The following ETV1 variants were observed in gnomAD, a reference collection of about 807,000 sequenced individuals.
ETV1 encodes the protein ETS variant transcription factor 1.
ETV1 carries 27 observed loss-of-function variants against 62.3 expected under a neutral mutation model. The observed-to-expected ratio is 0.43, with a 90% confidence interval of 0.32 to 0.60. The LOEUF is 0.60. Among genes scored for constraint, ETV1 ranks in the 20% least tolerant of loss-of-function variants. The pLI is 0.06. For synonymous variants in ETV1, 222 were observed against 199.6 expected, an observed-to-expected ratio of 1.11 and a Z score of -0.94; for missense variants, 605 against 605.8, an observed-to-expected ratio of 1.00 and a Z score of 0.01.
Position 13,893,265 on chromosome 7 carries a change from G to C in ETV1, c.*2601C>G, listed in dbSNP as rs945691123. On this transcript the variant is annotated 3_prime_UTR_variant, in exon 14 of 14. Coordinates refer to ENST00000430479, the MANE Select transcript of ETV1 (RefSeq NM_004956.5). Reference sequence around the variant, plus strand: ...ATTCAATGAGAAATTCAAAACACAAGAATCTTGCAGAAATCAGCTGCCAGA... The same window carrying C: ...ATTCAATGAGAAATTCAAAACACAACAATCTTGCAGAAATCAGCTGCCAGA... 4 of 232,100 alleles carry C rather than the reference G, an allele frequency of 1.7e-5. No individual in the cohort carries two copies. The highest frequency in any genetic ancestry group is 6.6e-5 in the African/African-American group (3 of 45,276). 14.4% of individuals were successfully genotyped at this position (232,100 alleles called of 1,614,324 possible).
chr7:13,920,780 T>C (rs1406818572), intron 9 of ETV1, among the ~76,000 whole-genome samples: 2 of 152,158 alleles, frequency 1.3e-5, no homozygotes, highest in African/African-American at 4.8e-5. Flanking sequence ...GAAAAACTGA[T>C]ATAGTGGGCC....
chr7:13,900,423 G>C, intron 13 of ETV1: 1 of 245,378 alleles, frequency 4.1e-6, no homozygotes, highest in Non-Finnish European at 7.7e-6. Context: ...TTATATAATT[G>C]TAGACAATGT....
chr7:13,952,694 C>T (rs1336857131), intron 6 of ETV1, among the ~76,000 whole-genome samples: 2 of 151,952 alleles, frequency 1.3e-5, no homozygotes, highest in African/African-American at 4.8e-5. Flanking sequence ...GGGACAGGGA[C>T]CTCCCACATT....
In ETV1 at chr7:13,895,587, C is replaced by G. The variant is rs1273141075; in HGVS notation, c.*279G>C. ...ACTCAAAACTTGTAGGACCCCATCC[C>G]AAGCCTAAGTAAAAAGTAATCCCCA... On this transcript the variant is annotated 3_prime_UTR_variant, in exon 14 of 14. Coordinates refer to ENST00000430479, the MANE Select transcript of ETV1 (RefSeq NM_004956.5). 3 of 407,070 alleles carry G rather than the reference C, an allele frequency of 7.4e-6. No homozygotes were observed. Among genetic ancestry groups the G allele is most frequent in the African/African-American group, 5.9e-5 (3 of 50,776 alleles). 25.2% of individuals were successfully genotyped at this position (407,070 alleles called of 1,614,324 possible). A position where few individuals can be genotyped will look rare whatever the true frequency, so the allele number is the denominator to read the frequency against.
At chr7:13,968,946 C>A (rs1430849332) in intron 6 of ETV1, among the ~76,000 whole-genome samples, 1 of 152,222 alleles carries the variant, frequency 6.6e-6, no homozygotes, top group Admixed American at 6.5e-5. Context: ...GAGTACTTTT[C>A]ATTGGATTTT....
intron 11 of ETV1, among the ~76,000 whole-genome samples, chr7:13,908,970 T>A (rs1484108549): frequency 6.6e-6 from 1 of 151,698 alleles, no homozygotes; most frequent in African/African-American, 2.4e-5. Flanking sequence ...TGCCAACTTT[T>A]GTCACCTTTG....
chr7:13,986,839 T>G, intron 4 of ETV1, 154 bp from the exon 5 acceptor site: 1 of 630,538 alleles, frequency 1.6e-6, no homozygotes, highest in East Asian at 2.8e-5. Context: ...AACTTAAATA[T>G]CTCAATAATA....
At chr7:13,935,630 G>A in intron 8 of ETV1, 78 bp downstream of exon 8, 2 of 1,223,494 alleles carry the variant, frequency 1.6e-6, no homozygotes, top group African/African-American at 3.0e-5. Context: ...ATCTACTCTA[G>A]GCCTTCAGAA....
At chr7:13,903,694 C>T (rs1052470873) in intron 12 of ETV1, among the ~76,000 whole-genome samples, 2 of 143,448 alleles carry the variant, frequency 1.4e-5, no homozygotes, top group Non-Finnish European at 3.0e-5. Context: ...ACCCGGGAGG[C>T]AGAGATTGCA....
intron 6 of ETV1, among the ~76,000 whole-genome samples, chr7:13,953,105 G>C (rs1490147615): frequency 6.6e-6 from 1 of 152,194 alleles, no homozygotes; most frequent in Non-Finnish European, 1.5e-5. Flanking sequence ...TAGATGGAAA[G>C]CAGCACGACA....
intron 6 of ETV1, among the ~76,000 whole-genome samples, chr7:13,975,562 C>CAAAAAAAAAAAAA (rs765452116): frequency 2.4e-5 from 1 of 41,152 alleles, no homozygotes; most frequent in African/African-American, 8.8e-5. Context: ...GACTCTGTCT[C>CAAAAAAAAAAAAA]AAAAAAAAAA....
rs1251227651 is a variant in ETV1 at position 13,968,641 on chromosome 7, A to G, written c.235+8786T>C. Among the ~76,000 whole-genome samples the G allele has an allele frequency of 2.6e-5, 4 of 151,824 alleles. No homozygotes were observed. In the East Asian group the frequency reaches 7.8e-4, roughly 30 times the overall value. The stretch of plus-strand genomic sequence containing the variant: ...GAAAGTGTCCTTCATAGCAAATTCT[A>G]CTTACATTATTCCCCCATGAATTAC... On this transcript the variant is annotated intron_variant, in intron 6 of 13. Coordinates refer to ENST00000430479, the MANE Select transcript of ETV1 (RefSeq NM_004956.5).
intron 9 of ETV1, among the ~76,000 whole-genome samples, chr7:13,917,665 G>T (rs1784333997): frequency 6.8e-6 from 1 of 146,432 alleles, no homozygotes; most frequent in Non-Finnish European, 1.5e-5. Context: ...ATTAACAGAG[G>T]TTTAAAAGAA....
At chr7:13,942,380 A>G (rs1787659005) in intron 6 of ETV1, among the ~76,000 whole-genome samples, 2 of 151,958 alleles carry the variant, frequency 1.3e-5, no homozygotes, top group Admixed American at 1.3e-4. Context: ...ATATTTAGCA[A>G]AGTGTGTATT....
chr7:13,979,244 C>T (rs1014571845), intron 5 of ETV1, among the ~76,000 whole-genome samples: 1 of 151,998 alleles, frequency 6.6e-6, no homozygotes, highest in Non-Finnish European at 1.5e-5. Context: ...AAACGCAATG[C>T]CAGCTACTCA....
chr7:13,984,106 A>G (rs1311953713), intron 5 of ETV1, among the ~76,000 whole-genome samples: 2 of 151,982 alleles, frequency 1.3e-5, no homozygotes, highest in Non-Finnish European at 2.9e-5. Context: ...CATATGACAT[A>G]TGACAACTAA....
At chr7:13,967,279 T>C (rs1780396259) in intron 6 of ETV1, among the ~76,000 whole-genome samples, 1 of 152,076 alleles carries the variant, frequency 6.6e-6, no homozygotes, top group African/African-American at 2.4e-5. Context: ...ATATAGGCAA[T>C]AACTAGGAGT....
chr7:13,907,655 T>C, intron 11 of ETV1: 1 of 278,722 alleles, frequency 3.6e-6, no homozygotes, highest in Middle Eastern at 8.3e-4. Context: ...TCTAGGGCCC[T>C]GCAAGTATGT....
chr7:13,946,801 T>C (rs1384200800), intron 6 of ETV1, among the ~76,000 whole-genome samples: 1 of 152,204 alleles, frequency 6.6e-6, no homozygotes, highest in Non-Finnish European at 1.5e-5. Context: ...TTCATTTATT[T>C]ATTTTGAGAC....
Sources: gnomAD v4.1 joint callset for allele counts (sites outside exome capture counted in the v4.1 genomes callset) on GRCh38, gnomAD v4.1.1 for gene constraint, MANE v1.5 for transcripts, NCBI Gene and HGNC (gene_info 2026-07-23, HGNC 2026-07-21) for gene names.